The following THSD7A variants were observed in gnomAD, a reference collection of about 807,000 sequenced individuals.
THSD7A encodes thrombospondin type 1 domain containing 7A.
In THSD7A, 96 loss-of-function variants were observed where a neutral mutation model predicts 231.3. The ratio of observed to expected loss-of-function variants is 0.41; its 90% CI spans 0.35 to 0.49. The LOEUF is 0.49. Ranked by LOEUF, THSD7A falls within the 20% of genes least tolerant of loss-of-function variation. THSD7A has a pLI of 0.05. For synonymous variants in THSD7A, 940 were observed against 743.3 expected, an observed-to-expected ratio of 1.26 and a Z score of -4.30; for missense variants, 2,290 against 2,070.2, an observed-to-expected ratio of 1.11 and a Z score of -2.06.
intron 1 of THSD7A, among the ~76,000 whole-genome samples, chr7:11,806,843 T>A (rs1477549425): frequency 6.6e-6 from 1 of 152,148 alleles, no homozygotes; most frequent in African/African-American, 2.4e-5. Flanking sequence ...TGCTAAAGTG[T>A]GCCTTTTAGG....
chr7:11,712,167 A>C (rs893551203), intron 1 of THSD7A, among the ~76,000 whole-genome samples: 4 of 151,072 alleles, frequency 2.6e-5, no homozygotes, highest in Non-Finnish European at 1.5e-5. Context: ...GGCTAGTACA[A>C]ACCATAAATT....
chr7:11,587,604 C>T (rs916376342), intron 4 of THSD7A, among the ~76,000 whole-genome samples: 1 of 152,124 alleles, frequency 6.6e-6, no homozygotes, highest in Non-Finnish European at 1.5e-5. Flanking sequence ...GAATATTTTA[C>T]TAAAGACCTT....
chr7:11,528,675 C>G (rs1788577728), intron 6 of THSD7A, among the ~76,000 whole-genome samples: 1 of 152,106 alleles, frequency 6.6e-6, no homozygotes, highest in Non-Finnish European at 1.5e-5. Flanking sequence ...AGCCTACTAG[C>G]AAAACTGGAA....
In THSD7A at chr7:11,407,021, G is replaced by T; in HGVS notation, c.3951C>A (p.Pro1317=). ...KMIRRRTVTQ[P]FQGDGRPCPS... ...GGCATGGTCTTCCATCACCTTGAAA[G>T]GGCTGGGTCACTGTTCGTCTTCGGA... Residue 1317 remains proline, a synonymous_variant, in exon 21 of 28, where the codon CCC becomes CCA. Coordinates refer to ENST00000423059, the MANE Select transcript of THSD7A (RefSeq NM_015204.3). 1 of 1,613,860 alleles carries T rather than the reference G, an allele frequency of 6.2e-7. No individual in the cohort carries two copies. The highest frequency in any genetic ancestry group is 8.5e-7 in the Non-Finnish European group (1 of 1,179,856).
chr7:11,817,533 T>C (rs1326694787), intron 1 of THSD7A, among the ~76,000 whole-genome samples: 3 of 152,162 alleles, frequency 2.0e-5, no homozygotes, highest in Non-Finnish European at 4.4e-5. Flanking sequence ...TTGACATTCA[T>C]ATGCAGATCC....
Position 11,636,703 on chromosome 7 carries a change from T to C in THSD7A, c.449A>G (p.Glu150Gly), listed in dbSNP as rs1284854620. The change falls in exon 2 of 28, where the codon GAA becomes GGA. Residue 150 changes from glutamate (E) to glycine (G), a missense_variant. Glu to Gly is a moderately conservative substitution (Grantham distance 98, BLOSUM62 -2). Transcript: ENST00000423059. This position sits in a 1 kb window ranked among gnomAD's most constrained non-coding sequence, Gnocchi z 10.0. ...TATCTCCCTCACCTGAATACCTTCT[T>C]CCCCCTTAATGCACTCAAGAGGTTT... is the stretch of plus-strand genomic sequence containing the variant. ...LEKPLECIKG[E>G]EGIQVREIAC... 4 of 1,613,978 alleles carry C rather than the reference T, an allele frequency of 2.5e-6. No individual in the cohort carries two copies. The Admixed American group carries it at 5.0e-5, about 20-fold the overall frequency.
intron 1 of THSD7A, among the ~76,000 whole-genome samples, chr7:11,795,125 T>C (rs1784084513): frequency 6.6e-6 from 1 of 151,846 alleles, no homozygotes; most frequent in Non-Finnish European, 1.5e-5. Context: ...TTGTTTGTCT[T>C]TAACCGAGTT....
At chr7:11,427,618 A>G (rs1784362715) in intron 14 of THSD7A, among the ~76,000 whole-genome samples, 1 of 152,166 alleles carries the variant, frequency 6.6e-6, no homozygotes, top group African/African-American at 2.4e-5. Flanking sequence ...AATAGGTATG[A>G]GTATGTGTAG....
At chr7:11,710,521 A>T (rs1028659230) in intron 1 of THSD7A, among the ~76,000 whole-genome samples, 8 of 150,878 alleles carry the variant, frequency 5.3e-5, no homozygotes, top group African/African-American at 1.9e-4. Context: ...AGTAGAGGCC[A>T]GAATTATTTG....
chr7:11,627,683 A>T (rs1781516699), intron 2 of THSD7A, among the ~76,000 whole-genome samples: 1 of 152,144 alleles, frequency 6.6e-6, no homozygotes, highest in Admixed American at 6.6e-5. Context: ...ATAGTTAATG[A>T]GGGATGTTCA....
At chr7:11,618,152 T>C (rs1018480017) in intron 2 of THSD7A, among the ~76,000 whole-genome samples, 1 of 152,196 alleles carries the variant, frequency 6.6e-6, no homozygotes, top group African/African-American at 2.4e-5. Context: ...TATTGTGGGC[T>C]TGATCATGGT....
chr7:11,527,175 T>C (rs1201881490), intron 6 of THSD7A, among the ~76,000 whole-genome samples: 1 of 152,158 alleles, frequency 6.6e-6, no homozygotes, highest in Non-Finnish European at 1.5e-5. Context: ...GCTCTCCATA[T>C]AGATTTCTTA....
At chr7:11,786,971 C>G (rs1166459164) in intron 1 of THSD7A, among the ~76,000 whole-genome samples, 1 of 151,868 alleles carries the variant, frequency 6.6e-6, no homozygotes, top group Non-Finnish European at 1.5e-5. Flanking sequence ...GTGCTTGGCT[C>G]TAAAGAGTTC....
intron 6 of THSD7A, among the ~76,000 whole-genome samples, chr7:11,510,455 G>T (rs1583876789): frequency 1.3e-5 from 2 of 152,224 alleles, no homozygotes; most frequent in South Asian, 4.2e-4. Flanking sequence ...ACCAAAGCCT[G>T]GCAGACACAC....
At chr7:11,506,853 G>C (rs1217624927) in intron 6 of THSD7A, among the ~76,000 whole-genome samples, 2 of 151,386 alleles carry the variant, frequency 1.3e-5, no homozygotes, top group East Asian at 3.9e-4. Flanking sequence ...TGACCCACCT[G>C]TCACTCTCCA....
chr7:11,828,796 T>A (rs903989678), intron 1 of THSD7A, among the ~76,000 whole-genome samples: 1 of 152,150 alleles, frequency 6.6e-6, no homozygotes, highest in Non-Finnish European at 1.5e-5. Flanking sequence ...GTATATATTA[T>A]ATGTATACAC....
chr7:11,587,007 T>C (rs1779936637), intron 4 of THSD7A, among the ~76,000 whole-genome samples: 1 of 152,216 alleles, frequency 6.6e-6, no homozygotes, highest in African/African-American at 2.4e-5. Flanking sequence ...TAAGTCACTG[T>C]AAACTTAATG....
chr7:11,663,557 A>C (rs1783012543), intron 1 of THSD7A, among the ~76,000 whole-genome samples: 1 of 151,596 alleles, frequency 6.6e-6, no homozygotes, highest in South Asian at 2.1e-4. Flanking sequence ...AGTCAGAAAT[A>C]ACCTTGTCCC....
At chr7:11,568,573 C>T (rs1337337284) in intron 4 of THSD7A, among the ~76,000 whole-genome samples, 3 of 133,480 alleles carry the variant, frequency 2.2e-5, no homozygotes, top group Admixed American at 9.1e-5. Flanking sequence ...TGCAGTGAGC[C>T]GAGATCACGC....
Sources: allele counts gnomAD v4.1 joint callset (sites outside exome capture counted in the v4.1 genomes callset), GRCh38; gene constraint gnomAD v4.1.1; non-coding constraint Gnocchi (gnomAD v3.1); transcripts MANE v1.5; gene names NCBI Gene and HGNC (gene_info 2026-07-23, HGNC 2026-07-21).